Variants in TSPAN12 observed in about 807,000 individuals in gnomAD.
The protein encoded by TSPAN12 is tetraspanin-12.
A neutral mutation model predicts 39.2 loss-of-function variants in TSPAN12; 19 were observed. The observed-to-expected ratio is 0.49, with a 90% CI of 0.34 to 0.71. TSPAN12 has a LOEUF of 0.71. Ranked by LOEUF, TSPAN12 falls within the 30% of genes least tolerant of loss-of-function variation. The pLI is 0.01. For synonymous variants in TSPAN12, 119 were observed against 124.8 expected, an observed-to-expected ratio of 0.95 and a Z score of 0.31; for missense variants, 314 against 359.9, an observed-to-expected ratio of 0.87 and a Z score of 1.03.
intron 7 of TSPAN12, among the ~76,000 whole-genome samples, chr7:120,798,384 G>A (rs1029446824): frequency 1.3e-4 from 20 of 152,128 alleles, no homozygotes; most frequent in Admixed American, 3.9e-4. Context: ...AGAGACAGGA[G>A]GGAGCATCTT....
At chr7:120,812,952 T>C (rs1794009705) in intron 5 of TSPAN12, among the ~76,000 whole-genome samples, 1 of 152,182 alleles carries the variant, frequency 6.6e-6, no homozygotes, top group Non-Finnish European at 1.5e-5. Flanking sequence ...AGTTAATATA[T>C]CAATTTTTTT....
intron 7 of TSPAN12, among the ~76,000 whole-genome samples, chr7:120,798,264 G>A (rs1187881560): frequency 6.6e-6 from 1 of 152,142 alleles, no homozygotes; most frequent in African/African-American, 2.4e-5. Flanking sequence ...CCCCTACCAA[G>A]CCCAAATTGA....
Position 120,838,667 on chromosome 7 carries a change from A to G in TSPAN12, c.285+110T>C, listed in dbSNP as rs1794522762. 9 of 1,141,048 alleles carry G rather than the reference A, an allele frequency of 7.9e-6. No homozygotes were observed. In the Admixed American group the frequency reaches 1.6e-4, roughly 20 times the overall value. 70.7% of individuals were successfully genotyped at this position (1,141,048 alleles called of 1,614,324 possible). A position where few individuals can be genotyped will look rare whatever the true frequency, so the allele number is the denominator to read the frequency against. On this transcript the variant is annotated intron_variant, in intron 4 of 7. Coordinates refer to ENST00000222747, the MANE Select transcript of TSPAN12 (RefSeq NM_012338.4). ...GTGAAACGAAAGCGTCCCTTCTTAC[A>G]GGATGTTGTTACTGCTATCACTGCT...
At chr7:120,817,306 T>C (rs966964742) in intron 4 of TSPAN12, among the ~76,000 whole-genome samples, 5 of 151,996 alleles carry the variant, frequency 3.3e-5, no homozygotes, top group African/African-American at 1.2e-4. Context: ...GGAGGATCAC[T>C]TGAGCCCAGG....
At chr7:120,799,615 TAATTA>T (rs1395296809) in intron 7 of TSPAN12, among the ~76,000 whole-genome samples, 1 of 117,928 alleles carries the variant, frequency 8.5e-6, no homozygotes, top group African/African-American at 3.5e-5. Flanking sequence ...ATTATATATA[TAATTA>T]AATATAATTA....
rs190879319 is a variant in TSPAN12, at chr7:120,841,281, A to G, written c.67-1172T>C. On this transcript the variant is annotated intron_variant, in intron 2 of 7. Transcript: ENST00000222747. ...ACTTGAATCAAATCAATCCTCCTGC[A>G]CTATCAGTCAATACAAAAATACATG... is the stretch of plus-strand genomic sequence containing the variant. Among the ~76,000 whole-genome samples the G allele has an allele frequency of 1.7e-4, 26 of 152,354 alleles. No homozygotes were observed. In the Middle Eastern group the frequency reaches 0.01, roughly 60 times the overall value.
At chr7:120,797,143 C>A (rs1340616874) in intron 7 of TSPAN12, among the ~76,000 whole-genome samples, 4 of 151,616 alleles carry the variant, frequency 2.6e-5, no homozygotes, top group East Asian at 3.9e-4. Context: ...GGCGACAGAG[C>A]CAGATTTCAT....
intron 2 of TSPAN12, among the ~76,000 whole-genome samples, chr7:120,853,985 T>G (rs1375507690): frequency 6.6e-6 from 1 of 151,996 alleles, no homozygotes; most frequent in Non-Finnish European, 1.5e-5. Flanking sequence ...ACTTAAAATA[T>G]AGGGCAAACC....
At chr7:120,824,225 G>T (rs1794240388) in intron 4 of TSPAN12, among the ~76,000 whole-genome samples, 2 of 149,614 alleles carry the variant, frequency 1.3e-5, no homozygotes, top group African/African-American at 4.9e-5. Flanking sequence ...AAGGTCAAGA[G>T]ATCAAGACCA....
intron 2 of TSPAN12, among the ~76,000 whole-genome samples, chr7:120,843,406 T>C (rs1020442593): frequency 1.3e-5 from 2 of 152,156 alleles, no homozygotes; most frequent in Admixed American, 6.5e-5. Flanking sequence ...GGGGTGCACT[T>C]TTCAAATACA....
intron 4 of TSPAN12, among the ~76,000 whole-genome samples, chr7:120,827,184 T>C (rs907941195): frequency 1.4e-4 from 22 of 152,026 alleles, no homozygotes; most frequent in African/African-American, 4.8e-4. Context: ...TATCTCCTTC[T>C]AAATCACATT....
At chr7:120,808,733 A>G (rs539738943) in intron 6 of TSPAN12, among the ~76,000 whole-genome samples, 1 of 152,134 alleles carries the variant, frequency 6.6e-6, no homozygotes, top group Non-Finnish European at 1.5e-5. Context: ...TGTGCATAGA[A>G]TTGCACTGAA....
rs571870635 is a variant in TSPAN12, at chr7:120,840,371, C to T, written c.67-262G>A. Among the ~76,000 whole-genome samples the T allele has an allele frequency of 3.3e-5, 5 of 152,218 alleles. No homozygotes were observed. In the South Asian group the frequency reaches 1.0e-3, roughly 32 times the overall value. On this transcript the variant is annotated intron_variant, in intron 2 of 7. Transcript: ENST00000222747. ...TCCCAGGTTCAGGACAGAAACTGCA[C>T]AAGATAAGGAGGCCACAGAACAAAT... is the stretch of plus-strand genomic sequence containing the variant.
intron 2 of TSPAN12, among the ~76,000 whole-genome samples, chr7:120,851,416 G>A (rs1431902203): frequency 1.3e-5 from 2 of 151,942 alleles, no homozygotes; most frequent in Admixed American, 1.3e-4. Flanking sequence ...CTTTAGTAAC[G>A]GTAAGTAAAA....
At chr7:120,822,982 A>G (rs1363877584) in intron 4 of TSPAN12, among the ~76,000 whole-genome samples, 3 of 152,210 alleles carry the variant, frequency 2.0e-5, no homozygotes, top group Non-Finnish European at 4.4e-5. Context: ...TGAGGAAAAA[A>G]GTTATTTCCA....
At chr7:120,807,819 A>G (rs1270272788) in intron 6 of TSPAN12, among the ~76,000 whole-genome samples, 2 of 152,248 alleles carry the variant, frequency 1.3e-5, no homozygotes, top group Admixed American at 6.6e-5. Context: ...TAAATGACGA[A>G]TTACTGAAAG....
At chr7:120,808,964 G>A (rs1793926663) in intron 6 of TSPAN12, among the ~76,000 whole-genome samples, 1 of 150,152 alleles carries the variant, frequency 6.7e-6, no homozygotes, top group Non-Finnish European at 1.5e-5. Flanking sequence ...TTAGGAGAGG[G>A]TATTTAAATA....
At chr7:120,840,705 T>A (rs995734577) in intron 2 of TSPAN12, among the ~76,000 whole-genome samples, 3 of 152,106 alleles carry the variant, frequency 2.0e-5, no homozygotes, top group African/African-American at 7.3e-5. Context: ...AATACTCAAC[T>A]CATTATTCAG....
At chr7:120,836,030 C>T (rs1317941372) in intron 4 of TSPAN12, among the ~76,000 whole-genome samples, 1 of 152,062 alleles carries the variant, frequency 6.6e-6, no homozygotes, top group East Asian at 1.9e-4. Context: ...ACTTCATTAC[C>T]CAATAGGGAG....
Sources: gnomAD v4.1 joint callset for allele counts (sites outside exome capture counted in the v4.1 genomes callset) on GRCh38, gnomAD v4.1.1 for gene constraint, MANE v1.5 for transcripts, NCBI Gene and HGNC (gene_info 2026-07-23, HGNC 2026-07-21) for gene names.